Variants in KAT6B observed in about 807,000 individuals in gnomAD.
KAT6B encodes the protein lysine acetyltransferase 6B.
A neutral mutation model predicts 187.5 loss-of-function variants in KAT6B; 10 were observed. The observed-to-expected ratio is 0.05, with a 90% confidence interval of 0.03 to 0.09. The LOEUF is 0.09. Ranked by LOEUF, KAT6B falls within the 10% of genes least tolerant of loss-of-function variation. KAT6B has a pLI of 1.00. For synonymous variants in KAT6B, 861 were observed against 926.8 expected, an observed-to-expected ratio of 0.93 and a Z score of 1.29; for missense variants, 1,952 against 2,558.9, an observed-to-expected ratio of 0.76 and a Z score of 5.12.
chr10:74,960,087 T>C lies in KAT6B; in HGVS notation c.730+9T>C. The C allele has an allele frequency of 6.5e-7, 1 of 1,530,332 alleles. No homozygotes were observed. Among genetic ancestry groups the C allele is most frequent in the Non-Finnish European group, 9.1e-7 (1 of 1,103,818 alleles). The allele number at this position is 1,530,332 out of a possible 1,614,324, so 94.8% of individuals were successfully genotyped here. On this transcript the variant is annotated intron_variant, in intron 4 of 17. Transcript: ENST00000287239. ...AGATTGTGGCAGTAGTGGTAAGTTG[T>C]GTTTTTCCTATGTGTTGTACAATGA...
chr10:74,913,463 T>C (rs564731716), intron 3 of KAT6B, among the ~76,000 whole-genome samples: 1 of 152,330 alleles, frequency 6.6e-6, no homozygotes, highest in East Asian at 1.9e-4. Context: ...TCTCAAAATA[T>C]CCTGTTGTGC....
At chr10:75,019,764 C>CTTTTTTTT (rs71307707) in intron 13 of KAT6B, among the ~76,000 whole-genome samples, 1 of 129,420 alleles carries the variant, frequency 7.7e-6, no homozygotes, top group Non-Finnish European at 1.7e-5. Flanking sequence ...GGGCTGGTTT[C>CTTTTTTTT]TTTTTTTTTT....
At chr10:74,952,355 T>TA (rs906515631) in intron 3 of KAT6B, among the ~76,000 whole-genome samples, 6 of 145,758 alleles carry the variant, frequency 4.1e-5, no homozygotes, top group South Asian at 4.4e-4. Flanking sequence ...TGGTGTCTCC[T>TA]AAAAAAAAAA....
chr10:74,908,205 T>A (rs1846917669), intron 3 of KAT6B, among the ~76,000 whole-genome samples: 1 of 152,188 alleles, frequency 6.6e-6, no homozygotes, highest in African/African-American at 2.4e-5. Flanking sequence ...TCCCCACCAG[T>A]GGGAAGGTCC....
intron 3 of KAT6B, among the ~76,000 whole-genome samples, chr10:74,944,482 A>G (rs932175708): frequency 5.9e-5 from 9 of 152,370 alleles, no homozygotes; most frequent in Middle Eastern, 3.4e-3. Flanking sequence ...ATGAATGGCC[A>G]TTAAGCACAT....
intron 3 of KAT6B, among the ~76,000 whole-genome samples, chr10:74,914,773 A>G (rs989639035): frequency 5.9e-5 from 9 of 152,144 alleles, no homozygotes; most frequent in African/African-American, 2.2e-4. Flanking sequence ...GTTCTTTTAA[A>G]AGCAAAGAAA....
intron 11 of KAT6B, chr10:74,984,516 G>T (rs975123662): frequency 5.8e-5 from 9 of 155,236 alleles, no homozygotes; most frequent in Admixed American, 5.7e-4. Flanking sequence ...CACTTTCTCT[G>T]TAAGTATTCC....
At chr10:74,832,622 C>T (rs1421360040) in intron 1 of KAT6B, among the ~76,000 whole-genome samples, 1 of 152,016 alleles carries the variant, frequency 6.6e-6, no homozygotes, top group Non-Finnish European at 1.5e-5. Context: ...CTGCCTCAGC[C>T]TCCCAAAGAG....
chr10:74,915,425 C>G (rs1847601854), intron 3 of KAT6B, among the ~76,000 whole-genome samples: 1 of 152,234 alleles, frequency 6.6e-6, no homozygotes, highest in Admixed American at 6.5e-5. Flanking sequence ...CTCCCTTTGT[C>G]TAGCTAACGC....
At chr10:74,897,382 A>G (rs1446745963) in intron 3 of KAT6B, among the ~76,000 whole-genome samples, 2 of 152,196 alleles carry the variant, frequency 1.3e-5, no homozygotes, top group East Asian at 3.9e-4. Flanking sequence ...CACCTAGAGT[A>G]CCTGTTTTCT....
At chr10:75,004,446 T>C (rs1464052985) in intron 13 of KAT6B, among the ~76,000 whole-genome samples, 2 of 152,228 alleles carry the variant, frequency 1.3e-5, no homozygotes, top group Non-Finnish European at 2.9e-5. Flanking sequence ...CTTTGTTTTT[T>C]ACACTTTATT....
At chr10:74,981,306 T>TCTTCCTTCCTTC (rs558339853) in intron 10 of KAT6B, among the ~76,000 whole-genome samples, 5,780 of 139,750 alleles carry the variant, frequency 0.041, 229 homozygotes, top group African/African-American at 0.086. Flanking sequence ...TTTCTTTCTT[T>TCTTCCTTCCTTC]CTTCCTTCCT....
intron 3 of KAT6B, among the ~76,000 whole-genome samples, chr10:74,953,614 A>G (rs771430250): frequency 1.3e-5 from 2 of 152,342 alleles, no homozygotes; most frequent in South Asian, 4.1e-4. Flanking sequence ...TGTTTTTTTA[A>G]GCAGTCTCAT....
intron 3 of KAT6B, among the ~76,000 whole-genome samples, chr10:74,872,164 A>G (rs1454429469): frequency 1.3e-5 from 2 of 152,226 alleles, no homozygotes; most frequent in African/African-American, 2.4e-5. Context: ...ACACTTGCTC[A>G]GCCCTGTTTG....
Position 75,025,174 on chromosome 10 carries a change from C to G in KAT6B, c.3589C>G (p.Pro1197Ala), listed in dbSNP as rs772446732. 1 of 1,614,118 alleles carries G rather than the reference C, an allele frequency of 6.2e-7. No individual in the cohort carries two copies. Among genetic ancestry groups the G allele is most frequent in the South Asian group, 1.1e-5 (1 of 91,084 alleles). The change falls in exon 17 of 18, where the codon CCT becomes GCT. Residue 1197 changes from proline to alanine, a missense_variant. Coordinates refer to ENST00000287239, the MANE Select transcript of KAT6B (RefSeq NM_012330.4). ...CCTGAGAAAAGCATTCCAGCATCAG[C>G]CTGGGAAGAAAAGACAAACAGAGGA... is the stretch of plus-strand genomic sequence containing the variant. Reference protein sequence around the residue: ...PVLRKAFQHQPGKKRQTEEEE... With the variant: ...PVLRKAFQHQAGKKRQTEEEE...
intron 4 of KAT6B, among the ~76,000 whole-genome samples, chr10:74,966,965 G>A (rs1841521297): frequency 6.6e-6 from 1 of 152,184 alleles, no homozygotes; most frequent in Non-Finnish European, 1.5e-5. Context: ...GGGAGGCTAA[G>A]GTTGCAGTGA....
intron 13 of KAT6B, among the ~76,000 whole-genome samples, chr10:74,992,443 AC>A (rs944916335): frequency 2.6e-5 from 4 of 152,216 alleles, no homozygotes; most frequent in Admixed American, 1.3e-4. Flanking sequence ...TGCTCAGAAC[AC>A]TTACATTACC....
At chr10:74,991,709 G>A (rs929738065) in intron 13 of KAT6B, among the ~76,000 whole-genome samples, 15 of 152,190 alleles carry the variant, frequency 9.9e-5, no homozygotes, top group African/African-American at 3.1e-4. Flanking sequence ...TTTGAATAAA[G>A]TTGAAGAGAC....
chr10:75,018,083 A>G (rs1419492575), intron 13 of KAT6B, among the ~76,000 whole-genome samples: 1 of 152,124 alleles, frequency 6.6e-6, no homozygotes, highest in Non-Finnish European at 1.5e-5. Context: ...GTGTCGGTGC[A>G]CGTCATCCCT....
Sources: allele counts gnomAD v4.1 joint callset (sites outside exome capture counted in the v4.1 genomes callset), GRCh38; gene constraint gnomAD v4.1.1; transcripts MANE v1.5; gene names NCBI Gene and HGNC (gene_info 2026-07-23, HGNC 2026-07-21).